SNTB1: variants seen among roughly 807,000 people sequenced by gnomAD.
SNTB1 encodes the protein beta-1-syntrophin.
In SNTB1, 36 loss-of-function variants were observed where a neutral mutation model predicts 48.9. The observed-to-expected ratio is 0.74, with a 90% CI of 0.56 to 0.97. The LOEUF (loss-of-function observed/expected upper bound fraction) is 0.97. SNTB1 is among the 50% of genes least tolerant of loss of function. The pLI is 0.00. For synonymous variants in SNTB1, 299 were observed against 294.6 expected (o/e 1.01, Z -0.15); for missense variants, 786 against 703.4 (o/e 1.12, Z -1.33).
intron 3 of SNTB1, among the ~76,000 whole-genome samples, chr8:120,622,344 TA>T (rs979218840): frequency 1.3e-5 from 2 of 152,176 alleles, no homozygotes; most frequent in African/African-American, 4.8e-5. Flanking sequence ...ATCAATATTT[TA>T]AAAACTTCAC....
chr8:120,644,892 T>C (rs892213513), intron 2 of SNTB1, among the ~76,000 whole-genome samples: 17 of 152,306 alleles, frequency 1.1e-4, no homozygotes, highest in South Asian at 4.1e-4. Context: ...GTTGTTTTGA[T>C]TTGCATTTCT....
intron 1 of SNTB1, among the ~76,000 whole-genome samples, chr8:120,712,264 A>T (rs985778452): frequency 6.6e-6 from 1 of 151,798 alleles, no homozygotes; most frequent in Non-Finnish European, 1.5e-5. Context: ...AATATAAAAA[A>T]ATTAGCCAGG....
intron 1 of SNTB1, among the ~76,000 whole-genome samples, chr8:120,718,063 G>A (rs1818593465): frequency 6.6e-6 from 1 of 152,218 alleles, no homozygotes; most frequent in Non-Finnish European, 1.5e-5. Context: ...ATGTAAGGGA[G>A]AGTCCTCCAG....
chr8:120,555,437 T>C (rs556852043), intron 4 of SNTB1, among the ~76,000 whole-genome samples: 1 of 152,308 alleles, frequency 6.6e-6, no homozygotes, highest in African/African-American at 2.4e-5. Context: ...CTAATCTTCT[T>C]ATGCAAATGG....
intron 2 of SNTB1, among the ~76,000 whole-genome samples, chr8:120,641,143 A>T (rs1376447082): frequency 6.6e-6 from 1 of 152,210 alleles, no homozygotes. Flanking sequence ...CTTTTCAAAG[A>T]AATGGGTAAT....
intron 3 of SNTB1, among the ~76,000 whole-genome samples, chr8:120,598,473 G>A (rs779209335): frequency 1.1e-4 from 17 of 152,180 alleles, no homozygotes; most frequent in Non-Finnish European, 2.1e-4. Context: ...CATTTACTCT[G>A]TGCTAAGTAC....
chr8:120,744,121 A>ATTTTTTTTTTTTTTT (rs35604534), intron 1 of SNTB1, among the ~76,000 whole-genome samples: 30 of 136,148 alleles, frequency 2.2e-4, no homozygotes, highest in South Asian at 1.0e-3. Context: ...CCCTGTCTCA[A>ATTTTTTTTTTTTTTT]TTTTTTTTTT....
chr8:120,724,488 G>C (rs990700634), intron 1 of SNTB1, among the ~76,000 whole-genome samples: 3 of 152,180 alleles, frequency 2.0e-5, no homozygotes, highest in Non-Finnish European at 4.4e-5. Flanking sequence ...GCTATTTTTA[G>C]TTGAGATTCC....
At chr8:120,663,825 G>T (rs964020709) in intron 2 of SNTB1, among the ~76,000 whole-genome samples, 6 of 152,118 alleles carry the variant, frequency 3.9e-5, no homozygotes, top group Admixed American at 1.3e-4. Flanking sequence ...CTATAATGGG[G>T]GTGCAGAAGT....
chr8:120,686,195 T>A (rs961237942), intron 2 of SNTB1, among the ~76,000 whole-genome samples: 2 of 152,218 alleles, frequency 1.3e-5, no homozygotes, highest in African/African-American at 4.8e-5. Flanking sequence ...CCTCTACCCA[T>A]TACCCAGTTC....
At chr8:120,560,112 G>A (rs1483871865) in intron 4 of SNTB1, among the ~76,000 whole-genome samples, 2 of 152,140 alleles carry the variant, frequency 1.3e-5, no homozygotes, top group Admixed American at 6.6e-5. Context: ...GGTTTCCCAG[G>A]AACACTCTCT....
intron 2 of SNTB1, among the ~76,000 whole-genome samples, chr8:120,667,368 G>T (rs1433110713): frequency 2.0e-5 from 3 of 152,124 alleles, no homozygotes; most frequent in South Asian, 2.1e-4. Flanking sequence ...TTTTGTGGTC[G>T]TGGAAATGGA....
intron 1 of SNTB1, among the ~76,000 whole-genome samples, chr8:120,804,659 G>A (rs1354341972): frequency 6.6e-6 from 1 of 152,126 alleles, no homozygotes; most frequent in Non-Finnish European, 1.5e-5. Flanking sequence ...ATGCAAAACT[G>A]AGCATGACAT....
Position 120,811,613 on chromosome 8 carries a change from C to G in SNTB1, c.231G>C (p.Pro77=), listed in dbSNP as rs1023321862. 2.8e-5 allele frequency: 44 copies of G among 1,586,176 alleles called. No homozygotes were observed. Among genetic ancestry groups the G allele is most frequent in the Non-Finnish European group, 3.5e-5 (41 of 1,170,394 alleles). The change falls in exon 1 of 7, where the codon CCG becomes CCC. Residue 77 remains proline (P), a synonymous_variant. Coordinates refer to ENST00000517992, the MANE Select transcript of SNTB1 (RefSeq NM_021021.4). ...CCGGGGGCTGCGCGCCGCCCGCGCCCGGGTGCCCAGCCCCGGCGCCCCTGC... is the reference window on the plus strand; with the variant it reads ...CCGGGGGCTGCGCGCCGCCCGCGCCGGGGTGCCCAGCCCCGGCGCCCCTGC... ...SFCRGAGAGH[P]GAGGAQPPDS...
chr8:120,707,567 G>A (rs754043809), intron 1 of SNTB1, among the ~76,000 whole-genome samples: 5 of 152,138 alleles, frequency 3.3e-5, no homozygotes, highest in African/African-American at 4.8e-5. Context: ...GGCCTTTGTT[G>A]TTTTTTAAAA....
At chr8:120,657,735 A>G (rs1265737873) in intron 2 of SNTB1, among the ~76,000 whole-genome samples, 2 of 152,322 alleles carry the variant, frequency 1.3e-5, no homozygotes, top group East Asian at 3.9e-4. Context: ...AAATTGTGAG[A>G]AAAATTCCTT....
At chr8:120,643,834 C>A (rs1271238001) in intron 2 of SNTB1, among the ~76,000 whole-genome samples, 1 of 152,184 alleles carries the variant, frequency 6.6e-6, no homozygotes, top group Admixed American at 6.5e-5. Flanking sequence ...CTTTAAGGAA[C>A]CTCCATCCTG....
In SNTB1 at chr8:120,716,429, C is replaced by T. The variant is rs1818559565; in HGVS notation, c.572-22521G>A. Among the ~76,000 whole-genome samples, 3 of 152,166 alleles carry T rather than the reference C, an allele frequency of 2.0e-5. No homozygotes were observed. In the South Asian group the frequency reaches 6.2e-4, roughly 32 times the overall value. ...ACACAAAACAAAACTGATTCCTTAG[C>T]CAACATTCTAGGCAAAATATTCTAT... On this transcript the variant is annotated intron_variant, in intron 1 of 6. Coordinates refer to ENST00000517992, the MANE Select transcript of SNTB1 (RefSeq NM_021021.4).
intron 4 of SNTB1, among the ~76,000 whole-genome samples, chr8:120,549,550 C>T (rs1405673338): frequency 1.3e-5 from 2 of 152,274 alleles, no homozygotes; most frequent in Non-Finnish European, 2.9e-5. Context: ...TGGAACTGCA[C>T]TTTAGGGGAG....
Sources: allele counts gnomAD v4.1 joint callset (sites outside exome capture counted in the v4.1 genomes callset), GRCh38; gene constraint gnomAD v4.1.1; transcripts MANE v1.5; gene names NCBI Gene and HGNC (gene_info 2026-07-23, HGNC 2026-07-21).